The following ITPR2 variants were observed in gnomAD, a reference collection of about 807,000 sequenced individuals.
The protein encoded by ITPR2 is inositol 1,4,5-trisphosphate-gated calcium channel ITPR2.
In ITPR2, 207 loss-of-function variants were observed where a neutral mutation model predicts 317.1. That is an observed-to-expected ratio of 0.65 (90% CI 0.58 to 0.73). The LOEUF (loss-of-function observed/expected upper bound fraction) is 0.73. Among genes scored for constraint, ITPR2 ranks in the 30% least tolerant of loss-of-function variants. The probability of loss-of-function intolerance (pLI) is 0.00; values close to 1 mark genes in which losing one functional copy is unlikely to be tolerated. For missense variants in ITPR2, 2,613 were observed against 3,284.0 expected, an observed-to-expected ratio of 0.80 and a Z score of 4.99; for synonymous variants, 1,156 against 1,149.1, an observed-to-expected ratio of 1.01 and a Z score of -0.12.
chr12:26,494,744 T>C (rs188446212), intron 38 of ITPR2, among the ~76,000 whole-genome samples: 1 of 118,630 alleles, frequency 8.4e-6, no homozygotes, highest in African/African-American at 3.3e-5. Context: ...CACTCTGGGC[T>C]GGGTGACAGA....
chr12:26,574,906 T>C (rs1201689071), intron 34 of ITPR2, among the ~76,000 whole-genome samples: 3 of 151,966 alleles, frequency 2.0e-5, no homozygotes, highest in Non-Finnish European at 4.4e-5. Flanking sequence ...AGACCATTCA[T>C]GACAGATCTG....
chr12:26,782,193 T>C (rs907871405), intron 2 of ITPR2, among the ~76,000 whole-genome samples: 12 of 151,752 alleles, frequency 7.9e-5, no homozygotes, highest in Non-Finnish European at 1.6e-4. Flanking sequence ...TAGAGAACGC[T>C]GACTAACAGA....
At chr12:26,771,258 G>T (rs1220042026) in intron 2 of ITPR2, among the ~76,000 whole-genome samples, 3 of 152,078 alleles carry the variant, frequency 2.0e-5, no homozygotes, top group Non-Finnish European at 1.5e-5. Flanking sequence ...AGATATGAGT[G>T]AGACTAATTT....
chr12:26,398,891 T>A lies in ITPR2; in HGVS notation c.7681A>T (p.Thr2561Ser), dbSNP rs1195816612. 1 of 1,610,244 alleles carries A rather than the reference T, an allele frequency of 6.2e-7. No individual in the cohort carries two copies. Among genetic ancestry groups the A allele is most frequent in the African/African-American group, 1.3e-5 (1 of 74,738 alleles). ...KQKKEEILKT[T>S]CFICGLERDK... ...GAACACTTACCACAGATGAAACAAG[T>A]TGTCTTTAGAATTTCTTCTTTTTTC... is the stretch of plus-strand genomic sequence containing the variant. Residue 2561 changes from threonine to serine, a missense_variant, in exon 54 of 57, where the codon ACT becomes TCT. This residue lies in a region of ITPR2 where 28 missense variants were observed against 76.0 expected (regional missense o/e 0.37). Transcript: ENST00000381340.
intron 1 of ITPR2, among the ~76,000 whole-genome samples, chr12:26,814,904 T>C (rs1592155438): frequency 6.6e-6 from 1 of 152,206 alleles, no homozygotes; most frequent in East Asian, 1.9e-4. Context: ...AGCATGATAA[T>C]TTGATTAGTT....
chr12:26,425,671 GA>G (rs201178294), intron 49 of ITPR2, among the ~76,000 whole-genome samples: 113 of 116,298 alleles, frequency 9.7e-4, no homozygotes, highest in South Asian at 1.4e-3. Context: ...GTCTAAAAAA[GA>G]AAAAAAAAAA....
chr12:26,534,418 A>G (rs1037094947), intron 37 of ITPR2, among the ~76,000 whole-genome samples: 1 of 152,210 alleles, frequency 6.6e-6, no homozygotes, highest in Admixed American at 6.5e-5. Context: ...CGGCCCTTGA[A>G]GAGAGCAAAA....
At chr12:26,467,488 T>C (rs1475033356) in intron 45 of ITPR2, among the ~76,000 whole-genome samples, 5 of 152,142 alleles carry the variant, frequency 3.3e-5, no homozygotes, top group African/African-American at 1.2e-4. Context: ...ATTTTCCTTT[T>C]CCTGGAAAAA....
At chr12:26,563,269 T>C (rs1158980829) in intron 34 of ITPR2, among the ~76,000 whole-genome samples, 1 of 152,136 alleles carries the variant, frequency 6.6e-6, no homozygotes, top group African/African-American at 2.4e-5. Context: ...GCAGAGACCA[T>C]CAAGTAAGAG....
At chr12:26,472,163 C>A (rs1223204271) in intron 45 of ITPR2, among the ~76,000 whole-genome samples, 2 of 152,170 alleles carry the variant, frequency 1.3e-5, no homozygotes, top group Non-Finnish European at 2.9e-5. Context: ...GGAAATGACT[C>A]CTTGTGTCAC....
chr12:26,737,391 G>A (rs550934212), intron 2 of ITPR2, among the ~76,000 whole-genome samples: 2 of 152,154 alleles, frequency 1.3e-5, no homozygotes, highest in South Asian at 4.1e-4. Context: ...GAGTAGCTGG[G>A]ATTACAGGCA....
rs955324260 is a variant in ITPR2 at position 26,391,406 on chromosome 12, G to A, written c.7697-3812C>T. 2.0e-5 allele frequency among the ~76,000 whole-genome samples: 3 copies of A among 152,170 alleles called. No homozygotes were observed. The South Asian group carries it at 6.2e-4, about 32-fold the overall frequency. Reference sequence around the variant, plus strand: ...AGATGAAGGTACATGACCTGTTTAGGGAATGTCAGTTACTCTGGTGTGGCA... The same window carrying A: ...AGATGAAGGTACATGACCTGTTTAGAGAATGTCAGTTACTCTGGTGTGGCA... On this transcript the variant is annotated intron_variant, in intron 54 of 56. Coordinates refer to ENST00000381340, the MANE Select transcript of ITPR2 (RefSeq NM_002223.4).
chr12:26,829,913 G>GT lies in ITPR2; in HGVS notation c.92+2776dup, dbSNP rs201618078. Among the ~76,000 whole-genome samples, 521 of 151,870 alleles carry GT rather than the reference G, an allele frequency of 3.4e-3. 1 individual carries two copies. The highest frequency in any genetic ancestry group is 0.01 in the African/African-American group (418 of 41,432). ...CATTTCTTTTTGTTTTGTTTTGTTT[G>GT]TTTTTTTTGAGGCAGAGTCTCGCTC... On this transcript the variant is annotated intron_variant, in intron 1 of 56. Transcript: ENST00000381340.
rs57406777 is a variant in ITPR2, at chr12:26,672,306, C to T, written c.1410-6255G>A. On this transcript the variant is annotated intron_variant, in intron 13 of 56. Transcript: ENST00000381340. Reference sequence around the variant, plus strand: ...ATTGACCACATAGTTGGAAGTAAAGCTCTCCTCAGCAAATGTAAAAGAGCA... The same window carrying T: ...ATTGACCACATAGTTGGAAGTAAAGTTCTCCTCAGCAAATGTAAAAGAGCA... Among the ~76,000 whole-genome samples, 1,288 of 152,052 alleles carry T rather than the reference C, an allele frequency of 8.5e-3. 19 individuals carry two copies. The highest frequency in any genetic ancestry group is 0.029 in the African/African-American group (1,200 of 41,438).
intron 37 of ITPR2, among the ~76,000 whole-genome samples, chr12:26,509,931 T>A (rs562493758): frequency 4.2e-4 from 61 of 146,748 alleles, no homozygotes; most frequent in Middle Eastern, 3.5e-3. Context: ...TCCCAGAATT[T>A]ATTTTGTTAA....
intron 55 of ITPR2, among the ~76,000 whole-genome samples, chr12:26,384,137 A>G (rs1470045260): frequency 6.6e-6 from 1 of 152,242 alleles, no homozygotes; most frequent in Non-Finnish European, 1.5e-5. Context: ...GAGCAGAGAA[A>G]GAGAAGAGAA....
chr12:26,417,621 T>C (rs1169538163), intron 50 of ITPR2, among the ~76,000 whole-genome samples: 2 of 152,166 alleles, frequency 1.3e-5, no homozygotes, highest in African/African-American at 4.8e-5. Flanking sequence ...CCACCATGAT[T>C]GTAAGTTTCC....
intron 37 of ITPR2, among the ~76,000 whole-genome samples, chr12:26,532,849 C>T (rs1943982353): frequency 6.6e-6 from 1 of 152,028 alleles, no homozygotes; most frequent in Admixed American, 6.5e-5. Context: ...CCACGCCCAG[C>T]TAATTTTTGT....
intron 37 of ITPR2, among the ~76,000 whole-genome samples, chr12:26,499,312 A>G (rs1438442198): frequency 2.6e-5 from 4 of 152,218 alleles, no homozygotes; most frequent in African/African-American, 9.7e-5. Flanking sequence ...TAGCCCCATT[A>G]GAAGCATCTA....
Sources: gnomAD v4.1 joint callset for allele counts (sites outside exome capture counted in the v4.1 genomes callset) on GRCh38, gnomAD v4.1.1 for gene constraint, gnomAD v4.1.1 regional missense constraint, MANE v1.5 for transcripts, NCBI Gene and HGNC (gene_info 2026-07-23, HGNC 2026-07-21) for gene names.